ADAMTSL1: variants seen among roughly 807,000 people sequenced by gnomAD.
The protein encoded by ADAMTSL1 is ADAMTS like 1.
Under a neutral mutation model 201.8 loss-of-function variants are expected in ADAMTSL1, and 126 were observed. The observed-to-expected ratio is 0.62, with a 90% CI of 0.54 to 0.72. The LOEUF (loss-of-function observed/expected upper bound fraction) is 0.72. ADAMTSL1 is among the 30% of genes least tolerant of loss of function. ADAMTSL1 has a pLI of 0.00. For synonymous variants in ADAMTSL1, 1,121 were observed against 903.4 expected (o/e 1.24, Z -4.32); for missense variants, 2,679 against 2,277.8 (o/e 1.18, Z -3.59).
intron 14 of ADAMTSL1, among the ~76,000 whole-genome samples, chr9:18,712,470 G>A (rs4048329): frequency 6.6e-5 from 10 of 151,224 alleles, no homozygotes; most frequent in South Asian, 2.1e-4. Context: ...CTCAGGAGCC[G>A]ATGCGATCAA....
At chr9:18,779,920 T>C (rs573746565) in intron 19 of ADAMTSL1, among the ~76,000 whole-genome samples, 3 of 152,258 alleles carry the variant, frequency 2.0e-5, no homozygotes, top group East Asian at 1.9e-4. Flanking sequence ...ATTGGTACTA[T>C]TGGGATTGAA....
At chr9:18,533,205 T>G (rs536102865) in intron 2 of ADAMTSL1, 42 bp from the exon 3 acceptor site, 1 of 1,556,036 alleles carries the variant, frequency 6.4e-7, no homozygotes, top group African/African-American at 1.4e-5. Context: ...ATTTTGAGCT[T>G]TTCATAAGTA....
intron 1 of ADAMTSL1, among the ~76,000 whole-genome samples, chr9:18,073,950 G>C (rs1350218332): frequency 1.3e-5 from 2 of 150,366 alleles, no homozygotes; most frequent in East Asian, 3.9e-4. Flanking sequence ...GAGGTTATCA[G>C]CCTGTTTCAT....
intron 15 of ADAMTSL1, among the ~76,000 whole-genome samples, chr9:18,727,965 A>C (rs973665021): frequency 6.6e-6 from 1 of 152,068 alleles, no homozygotes; most frequent in Non-Finnish European, 1.5e-5. Context: ...CTGTAACCCC[A>C]GCTACTCGGG....
At chr9:18,842,429 A>T (rs1825781378) in intron 23 of ADAMTSL1, among the ~76,000 whole-genome samples, 1 of 152,064 alleles carries the variant, frequency 6.6e-6, no homozygotes, top group African/African-American at 2.4e-5. Context: ...CTGTTCTTTT[A>T]CATTTGCTGA....
chr9:18,630,110 G>A (rs1826657620), intron 5 of ADAMTSL1, among the ~76,000 whole-genome samples: 1 of 152,058 alleles, frequency 6.6e-6, no homozygotes, highest in African/African-American at 2.4e-5. Flanking sequence ...TGTGTTCTGG[G>A]AGCAGTTAAG....
chr9:18,531,485 G>A (rs1819441201), intron 2 of ADAMTSL1, among the ~76,000 whole-genome samples: 1 of 152,080 alleles, frequency 6.6e-6, no homozygotes, highest in African/African-American at 2.4e-5. Flanking sequence ...TTATTTCTAT[G>A]GTTTCAATGT....
At chr9:18,289,660 T>C (rs952804362) in intron 2 of ADAMTSL1, among the ~76,000 whole-genome samples, 1 of 152,204 alleles carries the variant, frequency 6.6e-6, no homozygotes, top group African/African-American at 2.4e-5. Flanking sequence ...CTGGCTATGA[T>C]AGGTATGATC....
intron 2 of ADAMTSL1, among the ~76,000 whole-genome samples, chr9:18,214,075 T>G (rs1243384682): frequency 6.6e-6 from 1 of 152,196 alleles, no homozygotes; most frequent in African/African-American, 2.4e-5. Flanking sequence ...TTTACGTATT[T>G]AGTGTATTTT....
intron 1 of ADAMTSL1, among the ~76,000 whole-genome samples, chr9:18,076,517 G>A (rs766017450): frequency 2.0e-5 from 3 of 152,228 alleles, no homozygotes; most frequent in Non-Finnish European, 2.9e-5. Context: ...GGGATAATGA[G>A]GAAAGGGGCT....
chr9:18,869,451 T>C (rs184110078), intron 23 of ADAMTSL1, among the ~76,000 whole-genome samples: 20 of 152,366 alleles, frequency 1.3e-4, no homozygotes, highest in Non-Finnish European at 2.5e-4. Flanking sequence ...TGTTGTCTAA[T>C]ACCTGAAAAC....
At chr9:18,791,371 C>T (rs923946550) in intron 19 of ADAMTSL1, among the ~76,000 whole-genome samples, 2 of 152,168 alleles carry the variant, frequency 1.3e-5, no homozygotes, top group African/African-American at 4.8e-5. Context: ...CCTGAAAGGA[C>T]TTATGTCTTA....
chr9:18,341,573 C>A (rs774814228), intron 2 of ADAMTSL1, among the ~76,000 whole-genome samples: 1 of 152,092 alleles, frequency 6.6e-6, no homozygotes, highest in Non-Finnish European at 1.5e-5. Flanking sequence ...ACTTATTGCA[C>A]TGTATTATAA....
At chr9:18,503,814 A>G (rs1300982152) in intron 1 of ADAMTSL1, among the ~76,000 whole-genome samples, 1 of 152,328 alleles carries the variant, frequency 6.6e-6, no homozygotes, top group East Asian at 1.9e-4. Context: ...GTTCAAGTAC[A>G]GGTTTTAAAA....
chr9:18,564,420 C>A (rs1821747886), intron 3 of ADAMTSL1, among the ~76,000 whole-genome samples: 2 of 152,202 alleles, frequency 1.3e-5, no homozygotes, highest in Non-Finnish European at 2.9e-5. Context: ...CTATGTTGAT[C>A]TCGCTGGGAG....
intron 1 of ADAMTSL1, among the ~76,000 whole-genome samples, chr9:17,971,356 T>G (rs1294962705): frequency 6.6e-6 from 1 of 152,070 alleles, no homozygotes; most frequent in African/African-American, 2.4e-5. Flanking sequence ...TGAATAGTTT[T>G]GTGACTTAAA....
chr9:18,514,688 T>C (rs866929076), intron 2 of ADAMTSL1, among the ~76,000 whole-genome samples: 2 of 152,242 alleles, frequency 1.3e-5, no homozygotes, highest in East Asian at 3.8e-4. Flanking sequence ...TATTAGTCTT[T>C]CGTGAAGTAT....
At chr9:18,257,829 G>A (rs1038851232) in intron 2 of ADAMTSL1, among the ~76,000 whole-genome samples, 9 of 152,284 alleles carry the variant, frequency 5.9e-5, no homozygotes, top group South Asian at 4.1e-4. Flanking sequence ...TTCTGATAGA[G>A]TTATAATGAA....
intron 13 of ADAMTSL1, among the ~76,000 whole-genome samples, chr9:18,694,616 C>T (rs775403022): frequency 2.0e-5 from 3 of 152,124 alleles, no homozygotes; most frequent in Admixed American, 6.5e-5. Context: ...GTGTCACATC[C>T]GGGCCACACT....
Sources: gnomAD v4.1 joint callset for allele counts (sites outside exome capture counted in the v4.1 genomes callset) on GRCh38, gnomAD v4.1.1 for gene constraint, MANE v1.5 for transcripts, NCBI Gene and HGNC (gene_info 2026-07-23, HGNC 2026-07-21) for gene names.